CBX6: variants seen among roughly 807,000 people sequenced by gnomAD.
CBX6 encodes chromobox 6, also known as chromobox protein homolog 6.
In CBX6, 7 loss-of-function variants were observed where a neutral mutation model predicts 28.4. The ratio of observed to expected loss-of-function variants is 0.25; its 90% CI spans 0.14 to 0.46. The LOEUF (loss-of-function observed/expected upper bound fraction) is 0.46. Among genes scored for constraint, CBX6 ranks in the 20% least tolerant of loss-of-function variants. The pLI is 0.99. For synonymous variants in CBX6, 297 were observed against 273.4 expected, an observed-to-expected ratio of 1.09 and a Z score of -0.85; for missense variants, 512 against 606.1, an observed-to-expected ratio of 0.84 and a Z score of 1.63.
chr22:38,866,049 T>C lies in CBX6; in HGVS notation c.*160A>G. 2 of 649,264 alleles carry C rather than the reference T, an allele frequency of 3.1e-6. No individual in the cohort carries two copies. Among genetic ancestry groups the C allele is most frequent in the Non-Finnish European group, 5.2e-6 (2 of 382,898 alleles). 40.2% of individuals were successfully genotyped at this position (649,264 alleles called of 1,614,324 possible). A position where few individuals can be genotyped will look rare whatever the true frequency, so the allele number is the denominator to read the frequency against. On this transcript the variant is annotated 3_prime_UTR_variant, in exon 5 of 5. Transcript: ENST00000407418. This position sits in a 1 kb window ranked among gnomAD's most constrained non-coding sequence, Gnocchi z 7.5. ...AGGGTGGCCCCTACCCCCGGCTTTCTGGGACCCCAACTACCCAGCCCCATC... is the reference window on the plus strand; with the variant it reads ...AGGGTGGCCCCTACCCCCGGCTTTCCGGGACCCCAACTACCCAGCCCCATC...
At position 38,864,237 on chromosome 22, in the gene CBX6, CTTTT is replaced by C. The variant is rs1256162594; in HGVS notation, c.*1968_*1971del. ...TTTTTCTATTTCTTTTTTTTTTCCT[CTTTT>C]TTTGTTTTTGTTTTTTTGCAAAACT... On this transcript the variant is annotated 3_prime_UTR_variant, in exon 5 of 5. Transcript: ENST00000407418. 5 of 146,328 alleles carry C rather than the reference CTTTT, an allele frequency of 3.4e-5. No individual in the cohort carries two copies. The highest frequency in any genetic ancestry group is 2.1e-4 in the East Asian group (1 of 4,854). The allele number at this position is 146,328 out of a possible 1,614,324, so 9.1% of individuals were successfully genotyped here.
chr22:38,866,799 C>G lies in CBX6; in HGVS notation c.649G>C (p.Glu217Gln). Residue 217 changes from glutamate to glutamine, a missense_variant, in exon 5 of 5, where the codon GAG (glutamate) becomes CAG (glutamine). This residue lies in a region of CBX6 where 290 missense variants were observed against 274.1 expected (regional missense o/e 1.06). Transcript: ENST00000407418. The surrounding 1 kb of genome is among the most constrained non-coding windows in gnomAD (Gnocchi z 7.5). The part of the protein sequence containing the change: ...RVIGKSKKFS[E>Q]SVLRTQIRHM... ...CGGATCTGTGTACGCAGGACGCTCT[C>G]GCTGAACTTCTTGCTCTTGCCTATA... 1 of 1,612,614 alleles carries G rather than the reference C, an allele frequency of 6.2e-7. No homozygotes were observed. Among genetic ancestry groups the G allele is most frequent in the Non-Finnish European group, 8.5e-7 (1 of 1,179,432 alleles).
Position 38,871,711 on chromosome 22 carries a change from T to C in CBX6, c.160A>G (p.Ile54Val), listed in dbSNP as rs1354250750. ...ACTCACTTTTGTTCGAAGGCTGCAATGAGCCGCGAGTCCAGGATGTTCTCC... is the reference window on the plus strand; with the variant it reads ...ACTCACTTTTGTTCGAAGGCTGCAACGAGCCGCGAGTCCAGGATGTTCTCC... ...PEENILDSRL[I>V]AAFEQKERER... Residue 54 changes from isoleucine to valine, a missense_variant, in exon 3 of 5, where the codon ATT (isoleucine) becomes GTT (valine). Physicochemically the swap from Ile to Val is conservative, Grantham distance 29. Around this residue, in one of 7 missense-constraint regions of CBX6, gnomAD observed 20 missense variants for 70.3 expected, o/e 0.28. Coordinates refer to ENST00000407418, the MANE Select transcript of CBX6 (RefSeq NM_014292.5). This position sits in a 1 kb window ranked among gnomAD's most constrained non-coding sequence, Gnocchi z 5.6. 6.2e-7 allele frequency: 1 copy of C among 1,613,232 alleles called. No individual in the cohort carries two copies. The highest frequency in any genetic ancestry group is 1.3e-5 in the African/African-American group (1 of 74,902).
Position 38,871,940 on chromosome 22 carries a change from G to A in CBX6, c.75C>T (p.Arg25=). 2 of 1,539,890 alleles carry A rather than the reference G, an allele frequency of 1.3e-6. No homozygotes were observed. The highest frequency in any genetic ancestry group is 2.5e-5 in the East Asian group (1 of 39,974). Residue 25 remains arginine, a synonymous_variant, in exon 2 of 5, where the codon CGC becomes CGT. Transcript: ENST00000407418. This position sits in a 1 kb window ranked among gnomAD's most constrained non-coding sequence, Gnocchi z 5.6. ...CCTTCCATTTCACCAGGTACTCGAT[G>A]CGTCCCTGAAAAACAGAGGGGAGAA... ...SIIKRRIRKG[R]IEYLVKWKGW... is the part of the protein sequence containing the mutation.
chr22:38,866,186 C>G lies in CBX6; in HGVS notation c.*23G>C. The G allele has an allele frequency of 6.6e-7, 1 of 1,523,460 alleles. No homozygotes were observed. The highest frequency in any genetic ancestry group is 9.0e-7 in the Non-Finnish European group (1 of 1,115,924). The allele number at this position is 1,523,460 out of a possible 1,614,324, so 94.4% of individuals were successfully genotyped here. A position where few individuals can be genotyped will look rare whatever the true frequency, so the allele number is the denominator to read the frequency against. On this transcript the variant is annotated 3_prime_UTR_variant, in exon 5 of 5. Transcript: ENST00000407418. The surrounding 1 kb of genome is among the most constrained non-coding windows in gnomAD (Gnocchi z 7.5). ...CTTCGGGCAGGAGGGCCCCCCCAAG[C>G]CCCCCTCCTTGGTGGAGCCCCCTCA...
chr22:38,867,407 A>C (rs2093173329), intron 4 of CBX6, among the ~76,000 whole-genome samples: 1 of 152,220 alleles, frequency 6.6e-6, no homozygotes. Context: ...CCAAGGTCAG[A>C]GTCAGGACAC....
At position 38,872,000 on chromosome 22, in the gene CBX6, CGAG is replaced by C. The variant is rs1029426854; in HGVS notation, c.70-58_70-56del. The C allele has an allele frequency of 1.4e-4, 204 of 1,420,804 alleles. No homozygotes were observed. The highest frequency in any genetic ancestry group is 1.8e-4 in the Non-Finnish European group (195 of 1,073,560). 88.0% of individuals were successfully genotyped at this position (1,420,804 alleles called of 1,614,324 possible). On this transcript the variant is annotated intron_variant, in intron 1 of 4. Coordinates refer to ENST00000407418, the MANE Select transcript of CBX6 (RefSeq NM_014292.5). The surrounding 1 kb of genome is among the most constrained non-coding windows in gnomAD (Gnocchi z 5.6). ...TGGGGGTGGGGAGGATGCGGGGACG[CGAG>C]GAGGCGGCGGCGCGGGGCTGGGCGA...
rs1056682185 is a variant in CBX6 at position 38,862,055 on chromosome 22, C to G, written c.*4154G>C. ...CACCCAGCAGCAAGGGCAGCCGGAA[C>G]GCTTCGCTCCAGCTACCCGGCCTCC... On this transcript the variant is annotated 3_prime_UTR_variant, in exon 5 of 5. Coordinates refer to ENST00000407418, the MANE Select transcript of CBX6 (RefSeq NM_014292.5). 1 of 152,258 alleles carries G rather than the reference C, an allele frequency of 6.6e-6. No homozygotes were observed. Among genetic ancestry groups the G allele is most frequent in the Non-Finnish European group, 1.5e-5 (1 of 68,060 alleles). The allele number at this position is 152,258 out of a possible 1,614,324, so 9.4% of individuals were successfully genotyped here.
chr22:38,862,458 A>G lies in CBX6; in HGVS notation c.*3751T>C, dbSNP rs2093159299. ...CAAAGAGGCCGCCTTGGGCAAGTGC[A>G]TGGGAGCCCGGAAGTGGAACTGACC... is the stretch of plus-strand genomic sequence containing the variant. On this transcript the variant is annotated 3_prime_UTR_variant, in exon 5 of 5. Coordinates refer to ENST00000407418, the MANE Select transcript of CBX6 (RefSeq NM_014292.5). 1 of 134,378 alleles carries G rather than the reference A, an allele frequency of 7.4e-6. No individual in the cohort carries two copies. The highest frequency in any genetic ancestry group is 8.5e-5 in the Admixed American group (1 of 11,770). 8.3% of individuals were successfully genotyped at this position (134,378 alleles called of 1,614,324 possible).
chr22:38,866,722 C>T lies in CBX6; in HGVS notation c.726G>A (p.Leu242=), dbSNP rs766039849. Residue 242 remains leucine, a synonymous_variant, in exon 5 of 5, where the codon CTG becomes CTA. Coordinates refer to ENST00000407418, the MANE Select transcript of CBX6 (RefSeq NM_014292.5). This position sits in a 1 kb window ranked among gnomAD's most constrained non-coding sequence, Gnocchi z 7.5. ...CAGCCTTGCCGGGGGACGGGGCTAC[C>T]AGGGGGGCGGGCGGAGGCTTGTACA... is the stretch of plus-strand genomic sequence containing the variant. ...FALYKPPPAP[L]VAPSPGKAEA... The T allele has an allele frequency of 1.3e-6, 2 of 1,487,632 alleles. No individual in the cohort carries two copies. The highest frequency in any genetic ancestry group is 2.6e-5 in the South Asian group (2 of 75,634). 92.2% of individuals were successfully genotyped at this position (1,487,632 alleles called of 1,614,324 possible). A position where few individuals can be genotyped will look rare whatever the true frequency, so the allele number is the denominator to read the frequency against.
Position 38,862,620 on chromosome 22 carries a change from A to G in CBX6, c.*3589T>C, listed in dbSNP as rs1452429055. On this transcript the variant is annotated 3_prime_UTR_variant, in exon 5 of 5. Coordinates refer to ENST00000407418, the MANE Select transcript of CBX6 (RefSeq NM_014292.5). ...CCAAAACAACAAAATGACACAGAAG[A>G]GTGGGCAAAAGGGGGATGTGTCCTC... 3 of 151,896 alleles carry G rather than the reference A, an allele frequency of 2.0e-5. No individual in the cohort carries two copies. Among genetic ancestry groups the G allele is most frequent in the Non-Finnish European group, 2.9e-5 (2 of 68,008 alleles). 9.4% of individuals were successfully genotyped at this position (151,896 alleles called of 1,614,324 possible).
Position 38,866,506 on chromosome 22 carries a change from G to T in CBX6, c.942C>A (p.Asp314Glu). The T allele has an allele frequency of 6.3e-7, 1 of 1,589,442 alleles. No individual in the cohort carries two copies. The highest frequency in any genetic ancestry group is 8.5e-7 in the Non-Finnish European group (1 of 1,173,648). ...CTGCCGACTCGGGAGGGAGGGACAGGTCGAGCACCTCCGGCTCGCGCCAGC... is the reference window on the plus strand; with the variant it reads ...CTGCCGACTCGGGAGGGAGGGACAGTTCGAGCACCTCCGGCTCGCGCCAGC... ...APSWREPEVL[D>E]LSLPPESAAT... The change falls in exon 5 of 5, where the codon GAC (aspartate) becomes GAA (glutamate). Residue 314 changes from aspartate to glutamate, a missense_variant. This residue lies in a region of CBX6 where 290 missense variants were observed against 274.1 expected (regional missense o/e 1.06). Transcript: ENST00000407418. This position sits in a 1 kb window ranked among gnomAD's most constrained non-coding sequence, Gnocchi z 7.5.
In CBX6 at chr22:38,866,171, G is replaced by A. The variant is rs1026952138; in HGVS notation, c.*38C>T. ...GGAGCAAGAGTATGACTTCGGGCAG[G>A]AGGGCCCCCCCAAGCCCCCCTCCTT... On this transcript the variant is annotated 3_prime_UTR_variant, in exon 5 of 5. Transcript: ENST00000407418. The surrounding 1 kb of genome is among the most constrained non-coding windows in gnomAD (Gnocchi z 7.5). The A allele has an allele frequency of 6.9e-7, 1 of 1,442,924 alleles. No individual in the cohort carries two copies. The highest frequency in any genetic ancestry group is 1.2e-5 in the South Asian group (1 of 80,442). 89.4% of individuals were successfully genotyped at this position (1,442,924 alleles called of 1,614,324 possible). A position where few individuals can be genotyped will look rare whatever the true frequency, so the allele number is the denominator to read the frequency against.
In CBX6 at chr22:38,866,726, G is replaced by C. The variant is rs1254879392; in HGVS notation, c.722C>G (p.Pro241Arg). ...CTTGCCGGGGGACGGGGCTACCAGG[G>C]GGGCGGGCGGAGGCTTGTACAGCGC... ...AFALYKPPPAPLVAPSPGKAE... is the reference protein window; with the variant it reads ...AFALYKPPPARLVAPSPGKAE... Residue 241 changes from proline to arginine, a missense_variant, in exon 5 of 5, where the codon CCC becomes CGC. Physicochemically the swap from Pro to Arg is moderately radical, Grantham distance 103. Coordinates refer to ENST00000407418, the MANE Select transcript of CBX6 (RefSeq NM_014292.5). The surrounding 1 kb of genome is among the most constrained non-coding windows in gnomAD (Gnocchi z 7.5). 6.3e-7 allele frequency: 1 copy of C among 1,589,548 alleles called. No homozygotes were observed. The highest frequency in any genetic ancestry group is 8.6e-7 in the Non-Finnish European group (1 of 1,167,714).
At chr22:38,868,813 C>T (rs1469266233) in intron 4 of CBX6, among the ~76,000 whole-genome samples, 1 of 152,162 alleles carries the variant, frequency 6.6e-6, no homozygotes, top group Admixed American at 6.5e-5. Flanking sequence ...TTAACTAGTA[C>T]CTGGAGGTAG....
Position 38,867,148 on chromosome 22 carries a change from C to T in CBX6, c.300G>A (p.Lys100=). ...TGGGCGAGGAGGCACTGGCGCTCGG[C>T]TTGACAGAGAAATGCACATCACTGA... ...LRISDVHFSV[K]PSASASSPKL... The change falls in exon 5 of 5, where the codon AAG becomes AAA. Residue 100 remains lysine (K), a synonymous_variant. Transcript: ENST00000407418. 1 of 1,395,884 alleles carries T rather than the reference C, an allele frequency of 7.2e-7. No homozygotes were observed. The highest frequency in any genetic ancestry group is 3.7e-5 in the East Asian group (1 of 27,384). 86.5% of individuals were successfully genotyped at this position (1,395,884 alleles called of 1,614,324 possible).
At chr22:38,867,312 A>G in intron 4 of CBX6, 111 bp from the exon 5 acceptor site, 2 of 918,434 alleles carry the variant, frequency 2.2e-6, no homozygotes, top group Non-Finnish European at 3.2e-6. Flanking sequence ...CGATCCCGAG[A>G]TCATTTAAGA....
In CBX6 at chr22:38,871,325, G is replaced by C. The variant is rs2093181618; in HGVS notation, c.246+155C>G. ...CTGAGGCCTGCCATCAGGGGCTTCT[G>C]GGGGGGCTCACAACCACCCCCTGCC... On this transcript the variant is annotated intron_variant, in intron 4 of 4. Transcript: ENST00000407418. This position sits in a 1 kb window ranked among gnomAD's most constrained non-coding sequence, Gnocchi z 5.6. 5.8e-6 allele frequency: 4 copies of C among 684,442 alleles called. No individual in the cohort carries two copies. Among genetic ancestry groups the C allele is most frequent in the Non-Finnish European group, 7.6e-6 (3 of 396,660 alleles). The allele number at this position is 684,442 out of a possible 1,614,324, so 42.4% of individuals were successfully genotyped here.
intron 4 of CBX6, among the ~76,000 whole-genome samples, chr22:38,868,815 T>G (rs1382126427): frequency 6.6e-6 from 1 of 152,174 alleles, no homozygotes; most frequent in Non-Finnish European, 1.5e-5. Context: ...AACTAGTACC[T>G]GGAGGTAGCC....
Sources: allele counts gnomAD v4.1 joint callset (sites outside exome capture counted in the v4.1 genomes callset), GRCh38; gene constraint gnomAD v4.1.1; regional missense constraint gnomAD v4.1.1; non-coding constraint Gnocchi (gnomAD v3.1); transcripts MANE v1.5; gene names NCBI Gene and HGNC (gene_info 2026-07-23, HGNC 2026-07-21).